Variants in STAG1 observed in about 807,000 individuals in gnomAD.
STAG1 encodes cohesin subunit SA-1.
STAG1 carries 26 observed loss-of-function variants against 170.9 expected under a neutral mutation model. The ratio of observed to expected loss-of-function variants is 0.15; its 90% CI spans 0.11 to 0.21. The LOEUF (loss-of-function observed/expected upper bound fraction) is 0.21. STAG1 is among the 10% of genes least tolerant of loss of function. The pLI, the probability that STAG1 is intolerant of heterozygous loss-of-function variation, is 1.00. For missense variants in STAG1, 964 were observed against 1,509.5 expected (o/e 0.64, Z 5.99); for synonymous variants, 514 against 497.7 (o/e 1.03, Z -0.44).
intron 1 of STAG1, among the ~76,000 whole-genome samples, chr3:136,696,175 T>C (rs1181277899): frequency 6.6e-6 from 1 of 152,186 alleles, no homozygotes; most frequent in Non-Finnish European, 1.5e-5. Context: ...CTGTAACTGG[T>C]AAGTGACAGC....
chr3:136,688,401 T>A (rs1942610329), intron 1 of STAG1, among the ~76,000 whole-genome samples: 1 of 150,496 alleles, frequency 6.6e-6, no homozygotes, highest in South Asian at 2.1e-4. Flanking sequence ...AAAGTTTAAT[T>A]TTTTTTTTCT....
intron 1 of STAG1, among the ~76,000 whole-genome samples, chr3:136,750,377 G>A (rs561430485): frequency 2.2e-4 from 34 of 152,122 alleles, no homozygotes; most frequent in Admixed American, 5.2e-4. Flanking sequence ...ACAAACCCAG[G>A]GGACGTTCAA....
At chr3:136,742,297 A>G (rs558780855) in intron 1 of STAG1, among the ~76,000 whole-genome samples, 1 of 152,348 alleles carries the variant, frequency 6.6e-6, no homozygotes, top group African/African-American at 2.4e-5. Flanking sequence ...GATGGACCAT[A>G]TGCTGGCCCA....
chr3:136,730,881 A>G (rs1934004531), intron 1 of STAG1, among the ~76,000 whole-genome samples: 3 of 152,216 alleles, frequency 2.0e-5, no homozygotes, highest in Non-Finnish European at 4.4e-5. Context: ...CTTAAACTTC[A>G]GCCTACATCA....
chr3:136,470,463 G>A lies in STAG1; in HGVS notation c.1205+1950C>T, dbSNP rs548950662. On this transcript the variant is annotated intron_variant, in intron 12 of 33. Transcript: ENST00000383202. ...ACCATCTCACACCAGTTACAATGGC[G>A]ATCATTAAAAAGTTAGGAAACAACA... is the stretch of plus-strand genomic sequence containing the variant. Among the ~76,000 whole-genome samples, 20 of 152,222 alleles carry A rather than the reference G, an allele frequency of 1.3e-4. No individual in the cohort carries two copies. In the East Asian group the frequency reaches 1.7e-3, roughly 13 times the overall value.
rs370671211 is a variant in STAG1, at chr3:136,665,408, G to A, written c.-83-34427C>T. On this transcript the variant is annotated intron_variant, in intron 1 of 33. Coordinates refer to ENST00000383202, the MANE Select transcript of STAG1 (RefSeq NM_005862.3). ...TCTTCTATATACTGTACTACATAGCGTTAGGGTTACAGACTTTAAAATAAG... is the reference window on the plus strand; with the variant it reads ...TCTTCTATATACTGTACTACATAGCATTAGGGTTACAGACTTTAAAATAAG... 6.6e-5 allele frequency among the ~76,000 whole-genome samples: 10 copies of A among 152,172 alleles called. No individual in the cohort carries two copies. In the East Asian group the frequency reaches 1.2e-3, roughly 18 times the overall value.
rs114249860 is a variant in STAG1, at chr3:136,471,843, T to C, written c.1205+570A>G. Reference sequence around the variant, plus strand: ...TGCAGTCTTCTTTCTCTCTGAGTTATTTATTTATTTTTGACACAGGGTCCT... The same window carrying C: ...TGCAGTCTTCTTTCTCTCTGAGTTACTTATTTATTTTTGACACAGGGTCCT... On this transcript the variant is annotated intron_variant, in intron 12 of 33. Coordinates refer to ENST00000383202, the MANE Select transcript of STAG1 (RefSeq NM_005862.3). 6.6e-3 allele frequency among the ~76,000 whole-genome samples: 998 copies of C among 152,266 alleles called. 10 individuals carry two copies. The highest frequency in any genetic ancestry group is 0.023 in the African/African-American group (969 of 41,552).
chr3:136,494,817 C>T (rs919445687), intron 9 of STAG1, among the ~76,000 whole-genome samples: 3 of 152,118 alleles, frequency 2.0e-5, no homozygotes, highest in Admixed American at 6.5e-5. Flanking sequence ...TTAATAACAT[C>T]GTGCCTAATT....
chr3:136,511,342 G>C (rs1934053903), intron 7 of STAG1, among the ~76,000 whole-genome samples: 1 of 152,166 alleles, frequency 6.6e-6, no homozygotes, highest in South Asian at 2.1e-4. Flanking sequence ...AAGACACATG[G>C]ATGCACATGT....
intron 7 of STAG1, among the ~76,000 whole-genome samples, chr3:136,515,007 C>T (rs1441398662): frequency 2.0e-5 from 3 of 152,030 alleles, no homozygotes; most frequent in Non-Finnish European, 2.9e-5. Flanking sequence ...ACATGTATAC[C>T]TATGTAACAA....
chr3:136,716,156 G>A (rs1242041448), intron 1 of STAG1, among the ~76,000 whole-genome samples: 1 of 146,068 alleles, frequency 6.8e-6, no homozygotes, highest in African/African-American at 2.5e-5. Context: ...ACTTTTCATG[G>A]TTCATCTCAC....
At chr3:136,686,318 A>G (rs1275213630) in intron 1 of STAG1, among the ~76,000 whole-genome samples, 1 of 152,198 alleles carries the variant, frequency 6.6e-6, no homozygotes, top group Non-Finnish European at 1.5e-5. Context: ...TTAGGCTTTA[A>G]TTGTCTCTCA....
At position 136,630,850 on chromosome 3, in the gene STAG1, A is replaced by C. The variant is rs1940305341; in HGVS notation, c.29+20T>G. ...AATTTTCCTTAAAAAATATAAAAAA[A>C]AGAAAATTACAATACTTACTGTAAC... is the stretch of plus-strand genomic sequence containing the variant. On this transcript the variant is annotated intron_variant, in intron 2 of 33. Transcript: ENST00000383202. 2.0e-6 allele frequency: 3 copies of C among 1,527,252 alleles called. No individual in the cohort carries two copies. Among genetic ancestry groups the C allele is most frequent in the Admixed American group, 2.1e-5 (1 of 47,690 alleles). 94.6% of individuals were successfully genotyped at this position (1,527,252 alleles called of 1,614,324 possible). A position where few individuals can be genotyped will look rare whatever the true frequency, so the allele number is the denominator to read the frequency against.
intron 1 of STAG1, among the ~76,000 whole-genome samples, chr3:136,649,178 T>C (rs1050081437): frequency 3.3e-5 from 5 of 152,148 alleles, no homozygotes; most frequent in South Asian, 2.1e-4. Context: ...TGTTTGTTAA[T>C]TGAAAGGGTT....
intron 1 of STAG1, among the ~76,000 whole-genome samples, chr3:136,739,672 A>T (rs1218048025): frequency 1.3e-5 from 2 of 151,894 alleles, no homozygotes. Flanking sequence ...ATACAAAAAA[A>T]AATTAGCCAG....
At chr3:136,629,119 T>C (rs1408739700) in intron 2 of STAG1, among the ~76,000 whole-genome samples, 1 of 152,224 alleles carries the variant, frequency 6.6e-6, no homozygotes, top group Non-Finnish European at 1.5e-5. Context: ...CAAAGCATGA[T>C]ATATTAGATA....
chr3:136,541,846 G>A (rs1935919114), intron 6 of STAG1, among the ~76,000 whole-genome samples: 1 of 152,062 alleles, frequency 6.6e-6, no homozygotes, highest in Non-Finnish European at 1.5e-5. Context: ...TTGGGAATTT[G>A]AGATGGTCTT....
chr3:136,652,245 A>ATC (rs1427750522), intron 1 of STAG1, among the ~76,000 whole-genome samples: 2 of 152,252 alleles, frequency 1.3e-5, no homozygotes, highest in Non-Finnish European at 2.9e-5. Flanking sequence ...AAAGACAAAT[A>ATC]TACTCACAGA....
intron 4 of STAG1, among the ~76,000 whole-genome samples, chr3:136,578,012 T>C (rs1937514447): frequency 6.6e-6 from 1 of 152,174 alleles, no homozygotes; most frequent in South Asian, 2.1e-4. Context: ...GGACTAGACT[T>C]ACCATGTGAG....
Sources: gnomAD v4.1 joint callset for allele counts (sites outside exome capture counted in the v4.1 genomes callset) on GRCh38, gnomAD v4.1.1 for gene constraint, MANE v1.5 for transcripts, NCBI Gene and HGNC (gene_info 2026-07-23, HGNC 2026-07-21) for gene names.